The following TTC28 variants were observed in gnomAD, a reference collection of about 807,000 sequenced individuals.
The protein encoded by TTC28 is tetratricopeptide repeat domain 28.
In TTC28, 61 loss-of-function variants were observed where a neutral mutation model predicts 198.0. The observed-to-expected ratio is 0.31, with a 90% confidence interval of 0.25 to 0.38. TTC28 has a LOEUF of 0.38. Among genes scored for constraint, TTC28 ranks in the 10% least tolerant of loss-of-function variants. The pLI is 1.00. For synonymous variants in TTC28, 1,171 were observed against 1,297.8 expected (o/e 0.90, Z 2.10); for missense variants, 2,678 against 3,164.0 (o/e 0.85, Z 3.69).
intron 5 of TTC28, among the ~76,000 whole-genome samples, chr22:28,268,204 A>C (rs1931812764): frequency 3.3e-5 from 5 of 152,184 alleles, no homozygotes; most frequent in African/African-American, 1.2e-4. Context: ...TTCTACTTGA[A>C]TGGCTCTCAT....
chr22:28,157,708 G>T (rs1437473737), intron 6 of TTC28, among the ~76,000 whole-genome samples: 1 of 152,052 alleles, frequency 6.6e-6, no homozygotes, highest in Non-Finnish European at 1.5e-5. Flanking sequence ...ATTTGATAAA[G>T]TTCAACATCT....
At chr22:28,528,986 G>T (rs1434344467) in intron 2 of TTC28, among the ~76,000 whole-genome samples, 1 of 152,134 alleles carries the variant, frequency 6.6e-6, no homozygotes, top group Non-Finnish European at 1.5e-5. Context: ...CCAGTCTACA[G>T]CCCCCAGTGT....
At chr22:28,623,517 G>A (rs921478115) in intron 2 of TTC28, among the ~76,000 whole-genome samples, 4 of 152,096 alleles carry the variant, frequency 2.6e-5, no homozygotes, top group South Asian at 4.1e-4. Flanking sequence ...CAAAGACACA[G>A]AAGATATGAG....
chr22:28,520,140 T>C (rs1371579150), intron 2 of TTC28, among the ~76,000 whole-genome samples: 1 of 151,992 alleles, frequency 6.6e-6, no homozygotes, highest in Non-Finnish European at 1.5e-5. Context: ...ACAATCTCGG[T>C]TTGAGTCCCA....
At chr22:28,529,814 A>C (rs1049900135) in intron 2 of TTC28, among the ~76,000 whole-genome samples, 2 of 152,180 alleles carry the variant, frequency 1.3e-5, no homozygotes, top group Non-Finnish European at 2.9e-5. Context: ...GACTCCAGCA[A>C]ACTCCAGCAG....
chr22:28,225,366 GA>G lies in TTC28; in HGVS notation c.934-61768del, dbSNP rs750654050. Among the ~76,000 whole-genome samples the G allele has an allele frequency of 8.0e-3, 664 of 83,000 alleles. 13 individuals are homozygous for G. The highest frequency in any genetic ancestry group is 0.027 in the African/African-American group (641 of 23,704). 54.5% of individuals were successfully genotyped at this position (83,000 alleles called of 152,430 possible). ...TGAGAGATTCTGTTAAAAAAAAAAA[GA>G]AAAGAAGAAGAAGAAGAAGAAGAAG... On this transcript the variant is annotated intron_variant, in intron 5 of 22. Coordinates refer to ENST00000397906, the MANE Select transcript of TTC28 (RefSeq NM_001145418.2).
At chr22:28,295,038 T>C (rs1395451538) in intron 5 of TTC28, among the ~76,000 whole-genome samples, 3 of 152,190 alleles carry the variant, frequency 2.0e-5, no homozygotes, top group Non-Finnish European at 4.4e-5. Flanking sequence ...TCAGATCATC[T>C]GGCTTATAAG....
At chr22:28,675,063 C>T (rs1454885138) in intron 1 of TTC28, among the ~76,000 whole-genome samples, 2 of 152,070 alleles carry the variant, frequency 1.3e-5, no homozygotes, top group Non-Finnish European at 2.9e-5. Flanking sequence ...GAGAACAGAA[C>T]TTAAGAGTCC....
At chr22:28,212,482 G>C (rs1305811582) in intron 5 of TTC28, among the ~76,000 whole-genome samples, 1 of 135,538 alleles carries the variant, frequency 7.4e-6, no homozygotes, top group Non-Finnish European at 1.6e-5. Flanking sequence ...ACTACCATCA[G>C]AGAATACCAG....
intron 1 of TTC28, among the ~76,000 whole-genome samples, chr22:28,659,004 G>GA (rs1346950064): frequency 6.6e-6 from 1 of 151,414 alleles, no homozygotes; most frequent in Non-Finnish European, 1.5e-5. Flanking sequence ...CTCAAAAAAA[G>GA]AAAAAAACAA....
chr22:28,434,588 C>T (rs2047489371), intron 2 of TTC28, among the ~76,000 whole-genome samples: 1 of 152,122 alleles, frequency 6.6e-6, no homozygotes, highest in Non-Finnish European at 1.5e-5. Context: ...AGACTCAACG[C>T]CTACCAAAAT....
At chr22:28,406,805 A>G (rs143021456) in intron 2 of TTC28, among the ~76,000 whole-genome samples, 2 of 152,308 alleles carry the variant, frequency 1.3e-5, no homozygotes, top group Non-Finnish European at 2.9e-5. Flanking sequence ...CAGGACTCAT[A>G]TGGAGTTCCT....
intron 5 of TTC28, among the ~76,000 whole-genome samples, chr22:28,176,354 G>GAA (rs918285115): frequency 2.0e-5 from 3 of 148,782 alleles, no homozygotes; most frequent in Non-Finnish European, 4.5e-5. Flanking sequence ...TGTGGAATCT[G>GAA]AAAAAAAAAA....
At chr22:28,102,315 A>G (rs992095650) in intron 8 of TTC28, among the ~76,000 whole-genome samples, 1 of 152,188 alleles carries the variant, frequency 6.6e-6, no homozygotes, top group Non-Finnish European at 1.5e-5. Context: ...GATGTGCCTC[A>G]GCGGGGTTGC....
chr22:28,580,013 CAT>C (rs1188627455), intron 2 of TTC28, among the ~76,000 whole-genome samples: 1 of 151,746 alleles, frequency 6.6e-6, no homozygotes, highest in African/African-American at 2.4e-5. Flanking sequence ...TACACACACA[CAT>C]ACACACATAT....
At chr22:28,220,839 G>C (rs891814813) in intron 5 of TTC28, among the ~76,000 whole-genome samples, 1 of 152,120 alleles carries the variant, frequency 6.6e-6, no homozygotes, top group African/African-American at 2.4e-5. Flanking sequence ...AGACATGCTG[G>C]AGCATGTAGT....
At chr22:28,632,283 T>C (rs2051187129) in intron 1 of TTC28, among the ~76,000 whole-genome samples, 1 of 133,852 alleles carries the variant, frequency 7.5e-6, no homozygotes, top group Admixed American at 7.6e-5. Context: ...TTTTTTTTTT[T>C]TGAGGAGAAG....
chr22:28,250,080 G>C (rs1322593593), intron 5 of TTC28, among the ~76,000 whole-genome samples: 2 of 152,208 alleles, frequency 1.3e-5, no homozygotes, highest in Admixed American at 6.5e-5. Flanking sequence ...TCCCAGGACA[G>C]TCATGGAGAT....
intron 2 of TTC28, among the ~76,000 whole-genome samples, chr22:28,466,620 C>A (rs777721557): frequency 6.6e-6 from 1 of 152,096 alleles, no homozygotes; most frequent in Non-Finnish European, 1.5e-5. Context: ...CTCTAATTTG[C>A]TCATATAAAT....
Sources: gnomAD v4.1 joint callset for allele counts (sites outside exome capture counted in the v4.1 genomes callset) on GRCh38, gnomAD v4.1.1 for gene constraint, MANE v1.5 for transcripts, NCBI Gene and HGNC (gene_info 2026-07-23, HGNC 2026-07-21) for gene names.